GRIN3A: variants seen among roughly 807,000 people sequenced by gnomAD.
GRIN3A encodes the protein glutamate receptor ionotropic, NMDA 3A.
In GRIN3A, 47 loss-of-function variants were observed where a neutral mutation model predicts 92.4. The observed-to-expected ratio is 0.51, with a 90% CI of 0.40 to 0.65. The LOEUF is 0.65. Among genes scored for constraint, GRIN3A ranks in the 30% least tolerant of loss-of-function variants. The pLI is 0.00. For synonymous variants in GRIN3A, 527 were observed against 540.6 expected (o/e 0.97, Z 0.35); for missense variants, 1,324 against 1,393.1 (o/e 0.95, Z 0.79).
chr9:101,632,837 C>T (rs1258707406), intron 3 of GRIN3A, among the ~76,000 whole-genome samples: 1 of 152,160 alleles, frequency 6.6e-6, no homozygotes, highest in Non-Finnish European at 1.5e-5. Flanking sequence ...TAAAAGTGTA[C>T]AAACAGCTTA....
intron 6 of GRIN3A, among the ~76,000 whole-genome samples, chr9:101,605,496 C>A (rs748286125): frequency 6.6e-6 from 1 of 152,164 alleles, no homozygotes; most frequent in Non-Finnish European, 1.5e-5. Context: ...TTTAAACTTC[C>A]ATTTTTGAAA....
At chr9:101,582,885 T>A (rs1270496967) in intron 6 of GRIN3A, among the ~76,000 whole-genome samples, 1 of 152,234 alleles carries the variant, frequency 6.6e-6, no homozygotes, top group African/African-American at 2.4e-5. Context: ...ATTAGTCTTA[T>A]TTTTCTCTTA....
intron 5 of GRIN3A, among the ~76,000 whole-genome samples, chr9:101,617,812 A>G (rs932102201): frequency 4.0e-5 from 3 of 75,614 alleles, no homozygotes; most frequent in Non-Finnish European, 5.2e-5. Context: ...CCAACCCCAC[A>G]ACAGTCCCCA....
chr9:101,729,979 C>T (rs909817056), intron 1 of GRIN3A, among the ~76,000 whole-genome samples: 1 of 152,142 alleles, frequency 6.6e-6, no homozygotes, highest in African/African-American at 2.4e-5. Context: ...TTTAGTTCCT[C>T]AGAGCCTCCT....
chr9:101,657,864 A>G (rs1282254918), intron 3 of GRIN3A, among the ~76,000 whole-genome samples: 1 of 151,878 alleles, frequency 6.6e-6, no homozygotes, highest in Non-Finnish European at 1.5e-5. Context: ...GAGGTGTGGG[A>G]GTTATTCCTG....
At chr9:101,607,789 G>A (rs1048502768) in intron 6 of GRIN3A, among the ~76,000 whole-genome samples, 4 of 152,202 alleles carry the variant, frequency 2.6e-5, no homozygotes, top group South Asian at 2.1e-4. Context: ...GATGGCAAGC[G>A]AAGCATTAAT....
chr9:101,711,667 C>T (rs1829880879), intron 1 of GRIN3A, among the ~76,000 whole-genome samples: 1 of 152,054 alleles, frequency 6.6e-6, no homozygotes, highest in African/African-American at 2.4e-5. Flanking sequence ...CCCAGCAATA[C>T]TTCTTCAACT....
At chr9:101,685,259 TGTAAA>T in intron 2 of GRIN3A, among the ~76,000 whole-genome samples, 2 of 151,616 alleles carry the variant, frequency 1.3e-5, no homozygotes, top group African/African-American at 2.4e-5. Context: ...CATATATATA[TGTAAA>T]ATTAAATGTA....
rs1189001532 is a variant in GRIN3A at position 101,670,235 on chromosome 9, A to C, written c.2177T>G (p.Leu726Arg). The C allele has an allele frequency of 6.2e-7, 1 of 1,614,066 alleles. No individual in the cohort carries two copies. Residue 726 changes from leucine (L) to arginine (R), a missense_variant, in exon 3 of 9, where the codon CTC (leucine) becomes CGC (arginine). Physicochemically the swap from Leu to Arg is moderately radical, Grantham distance 102 (BLOSUM62 -2). Transcript: ENST00000361820. ...FSSALNICYA[L>R]LFGRTVAIKP... ...GATGGCCACTGTTCTGCCAAACAAG[A>C]GGGCATAACAGATGTTCAAGGCTGA...
chr9:101,671,517 C>T (rs148903415), intron 2 of GRIN3A, among the ~76,000 whole-genome samples: 2 of 152,280 alleles, frequency 1.3e-5, no homozygotes, highest in East Asian at 3.9e-4. Context: ...ATTGTAACTA[C>T]ACCTTCTATT....
At chr9:101,616,891 A>T (rs75352401) in intron 5 of GRIN3A, among the ~76,000 whole-genome samples, 1,361 of 63,390 alleles carry the variant, frequency 0.021, 18 homozygotes, top group African/African-American at 0.053. Flanking sequence ...TAAAGTATAA[A>T]AAAAAAAAAA....
intron 2 of GRIN3A, among the ~76,000 whole-genome samples, chr9:101,673,272 C>A (rs1031952664): frequency 6.6e-6 from 1 of 152,108 alleles, no homozygotes; most frequent in Non-Finnish European, 1.5e-5. Flanking sequence ...ACAACTCTGT[C>A]ATTCCAGTAA....
At chr9:101,617,199 T>A (rs1588250792) in intron 5 of GRIN3A, among the ~76,000 whole-genome samples, 1 of 103,302 alleles carries the variant, frequency 9.7e-6, no homozygotes, top group African/African-American at 4.5e-5. Context: ...AGAGCGAGAC[T>A]CCGTCTAAAA....
At chr9:101,675,367 A>G (rs988965946) in intron 2 of GRIN3A, among the ~76,000 whole-genome samples, 1 of 152,014 alleles carries the variant, frequency 6.6e-6, no homozygotes, top group African/African-American at 2.4e-5. Context: ...AAGCAAGATC[A>G]ATATTTAATA....
chr9:101,570,700 G>A lies in GRIN3A; in HGVS notation c.*2474C>T, dbSNP rs1827747511. 6.6e-6 allele frequency: 1 copy of A among 152,604 alleles called. No individual in the cohort carries two copies. The highest frequency in any genetic ancestry group is 6.5e-5 in the Admixed American group (1 of 15,278). The allele number at this position is 152,604 out of a possible 1,614,324, so 9.5% of individuals were successfully genotyped here. A position where few individuals can be genotyped will look rare whatever the true frequency, so the allele number is the denominator to read the frequency against. On this transcript the variant is annotated 3_prime_UTR_variant, in exon 9 of 9. Coordinates refer to ENST00000361820, the MANE Select transcript of GRIN3A (RefSeq NM_133445.3). ...TGGTCATCTACTTTGTGGATAGGCAGGGCGATCTGGCATGTGATCACCACT... is the reference window on the plus strand; with the variant it reads ...TGGTCATCTACTTTGTGGATAGGCAAGGCGATCTGGCATGTGATCACCACT...
chr9:101,591,002 G>T (rs1828015881), intron 6 of GRIN3A, among the ~76,000 whole-genome samples: 1 of 152,094 alleles, frequency 6.6e-6, no homozygotes, highest in Admixed American at 6.6e-5. Context: ...TTTTTTCTCT[G>T]TTTCAAAAAG....
chr9:101,725,870 T>C (rs1439470391), intron 1 of GRIN3A, among the ~76,000 whole-genome samples: 2 of 152,224 alleles, frequency 1.3e-5, no homozygotes, highest in Non-Finnish European at 2.9e-5. Context: ...TCTGCTCAAA[T>C]GCCATGGTCA....
intron 6 of GRIN3A, chr9:101,592,126 C>A (rs1394079743): frequency 2.6e-5 from 4 of 152,144 alleles, no homozygotes; most frequent in African/African-American, 9.7e-5. Context: ...TTTAAAAATT[C>A]TCCAGTTCTC....
intron 3 of GRIN3A, among the ~76,000 whole-genome samples, chr9:101,668,762 A>C (rs1209418403): frequency 6.6e-6 from 1 of 152,106 alleles, no homozygotes; most frequent in African/African-American, 2.4e-5. Flanking sequence ...TATGGGTCAA[A>C]TTTCTTACAT....
Sources: allele counts gnomAD v4.1 joint callset (sites outside exome capture counted in the v4.1 genomes callset), GRCh38; gene constraint gnomAD v4.1.1; transcripts MANE v1.5; gene names NCBI Gene and HGNC (gene_info 2026-07-23, HGNC 2026-07-21).